The following C14orf39 variants were observed in gnomAD, a reference collection of about 807,000 sequenced individuals.
C14orf39 encodes chromosome 14 open reading frame 39.
A neutral mutation model predicts 85.6 loss-of-function variants in C14orf39; 66 were observed. The ratio of observed to expected loss-of-function variants is 0.77; its 90% CI spans 0.63 to 0.95. The LOEUF (loss-of-function observed/expected upper bound fraction) is 0.95, where lower values mean the gene tolerates loss of function less well. C14orf39 is among the 40% of genes least tolerant of loss of function. The probability of loss-of-function intolerance (pLI) is 0.00; values close to 1 mark genes in which losing one functional copy is unlikely to be tolerated. For synonymous variants in C14orf39, 242 were observed against 214.0 expected (o/e 1.13, Z -1.14); for missense variants, 735 against 663.9 (o/e 1.11, Z -1.18).
rs193231014 is a variant in C14orf39 at position 60,452,079 on chromosome 14, C to T, written c.1503+2922G>A. 5.3e-3 allele frequency among the ~76,000 whole-genome samples: 784 copies of T among 147,214 alleles called. 4 individuals are homozygous for T. The highest frequency in any genetic ancestry group is 0.019 in the African/African-American group (751 of 39,920). On this transcript the variant is annotated intron_variant, in intron 16 of 17. Coordinates refer to ENST00000321731, the MANE Select transcript of C14orf39 (RefSeq NM_174978.3). ...GCACACGCCTATAGTCCCAGCTACT[C>T]GGGAGGATGAGGCAGGGGAATCACT... is the stretch of plus-strand genomic sequence containing the variant.
At position 60,511,288 on chromosome 14, in the gene C14orf39, T is replaced by C. The variant is rs760040148; in HGVS notation, c.-144+4107A>G. 8.1e-6 allele frequency: 13 copies of C among 1,608,358 alleles called. 1 individual carries two copies. The highest frequency in any genetic ancestry group is 1.1e-5 in the Non-Finnish European group (13 of 1,175,620). On this transcript the variant is annotated intron_variant, in intron 1 of 5. Transcript: ENST00000556799. Reference sequence around the variant, plus strand: ...CAGGATGCTCAGAAGCAGATTCCAGTGTAAAAACGAGAAAAACAAAATGAA... The same window carrying C: ...CAGGATGCTCAGAAGCAGATTCCAGCGTAAAAACGAGAAAAACAAAATGAA...
intron 5 of C14orf39, among the ~76,000 whole-genome samples, chr14:60,474,070 T>C (rs1251911924): frequency 6.6e-6 from 1 of 152,186 alleles, no homozygotes; most frequent in Non-Finnish European, 1.5e-5. Context: ...TGTGTCCTCT[T>C]TTATTTCATT....
chr14:60,437,155 A>T, intron 17 of C14orf39, 108 bp from the exon 18 acceptor site: 1 of 714,582 alleles, frequency 1.4e-6, no homozygotes, highest in Non-Finnish European at 2.3e-6. Context: ...ACACTGAATC[A>T]GTGTTACACA....
intron 10 of C14orf39, 58 bp from the exon 11 acceptor site, chr14:60,466,113 C>T (rs1891779977): frequency 1.3e-6 from 1 of 753,302 alleles, no homozygotes; most frequent in Non-Finnish European, 2.0e-6. Context: ...CAAGTATCTT[C>T]CCCAATGTTT....
rs1011520196 is a variant in C14orf39, at chr14:60,484,827, T to C, written c.106+54A>G. On this transcript the variant is annotated intron_variant, in intron 3 of 17. Transcript: ENST00000321731. The surrounding 1 kb of genome is among the most constrained non-coding windows in gnomAD (Gnocchi z 4.2). ...CCCTAAACAGAGCAATTGTATGTTA[T>C]ATGCCATAAGGAATTAAAAGACTAA... 30 of 1,274,516 alleles carry C rather than the reference T, an allele frequency of 2.4e-5. No homozygotes were observed. The highest frequency in any genetic ancestry group is 1.9e-4 in the South Asian group (15 of 77,598). The allele number at this position is 1,274,516 out of a possible 1,614,324, so 79.0% of individuals were successfully genotyped here.
In C14orf39 at chr14:60,478,363, C is replaced by T. The variant is rs549495863; in HGVS notation, c.260G>A (p.Arg87His). The part of the protein sequence containing the change: ...RNWKPTCDVF[R>H]KHEDYMQDQF... ...GTCCTGCATATAATCTTCATGTTTACGAAAAACATCACATGTTGGCTTCCA... is the reference window on the plus strand; with the variant it reads ...GTCCTGCATATAATCTTCATGTTTATGAAAAACATCACATGTTGGCTTCCA... Residue 87 changes from arginine to histidine, a missense_variant, in exon 5 of 18, where the codon CGT becomes CAT. Physicochemically the swap from Arg to His is conservative, Grantham distance 29. Coordinates refer to ENST00000321731, the MANE Select transcript of C14orf39 (RefSeq NM_174978.3). 43 of 1,574,672 alleles carry T rather than the reference C, an allele frequency of 2.7e-5. No individual in the cohort carries two copies. Among genetic ancestry groups the T allele is most frequent in the South Asian group, 6.1e-5 (5 of 82,482 alleles).
Position 60,481,056 on chromosome 14 carries a change from A to C in C14orf39, c.233+2635T>G, listed in dbSNP as rs1426218122. On this transcript the variant is annotated intron_variant, in intron 4 of 17. Coordinates refer to ENST00000321731, the MANE Select transcript of C14orf39 (RefSeq NM_174978.3). The stretch of plus-strand genomic sequence containing the variant: ...TAGTGATCTACTGCACCGTATAGTG[A>C]CTACAGTTAAATAATATATATTTCG... Among the ~76,000 whole-genome samples the C allele has an allele frequency of 3.9e-5, 6 of 152,184 alleles. No homozygotes were observed. In the East Asian group the frequency reaches 1.2e-3, roughly 29 times the overall value.
At chr14:60,442,382 A>G (rs1176621016) in intron 16 of C14orf39, among the ~76,000 whole-genome samples, 2 of 152,188 alleles carry the variant, frequency 1.3e-5, no homozygotes, top group African/African-American at 4.8e-5. Flanking sequence ...TTACTTTAGA[A>G]TCTTAATATG....
chr14:60,485,549 A>G (rs1566683810), intron 1 of C14orf39, among the ~76,000 whole-genome samples: 2 of 152,350 alleles, frequency 1.3e-5, no homozygotes, highest in South Asian at 2.1e-4. Flanking sequence ...GCGATTTCGC[A>G]TTTACGAATT....
chr14:60,468,611 G>T, intron 8 of C14orf39, 75 bp from the exon 9 acceptor site: 4 of 765,578 alleles, frequency 5.2e-6, no homozygotes, highest in Non-Finnish European at 8.1e-6. Context: ...TTTATCTTAT[G>T]TTTTTTCTAT....
At chr14:60,489,614 G>A (rs565356895), upstream of C14orf39, among the ~76,000 whole-genome samples, 2 of 152,146 alleles carry the variant, frequency 1.3e-5, no homozygotes, top group African/African-American at 2.4e-5. Flanking sequence ...CTTACCTAAA[G>A]CCAATTCCTC....
At chr14:60,486,957 T>C (rs1258026942), upstream of C14orf39, among the ~76,000 whole-genome samples, 2 of 152,070 alleles carry the variant, frequency 1.3e-5, no homozygotes. Context: ...GAAAAATCTT[T>C]TACTTAGTTT....
intron 5 of C14orf39, among the ~76,000 whole-genome samples, chr14:60,472,858 T>A: frequency 6.6e-6 from 1 of 152,202 alleles, no homozygotes; most frequent in Non-Finnish European, 1.5e-5. Flanking sequence ...AGTGCCGCAA[T>A]AAACATACGT....
intron 17 of C14orf39, among the ~76,000 whole-genome samples, chr14:60,438,987 T>C (rs1890386238): frequency 6.6e-6 from 1 of 152,152 alleles, no homozygotes; most frequent in Non-Finnish European, 1.5e-5. Flanking sequence ...AATTTAAGAA[T>C]AAGTTCTAGA....
intron 16 of C14orf39, among the ~76,000 whole-genome samples, chr14:60,451,951 G>A (rs893529172): frequency 1.3e-5 from 2 of 151,922 alleles, no homozygotes; most frequent in Non-Finnish European, 2.9e-5. Flanking sequence ...GGGAGGCTGA[G>A]GCAGGCAGAT....
At chr14:60,494,085 T>A in intron 2 of C14orf39, 1 of 297,534 alleles carries the variant, frequency 3.4e-6, no homozygotes, top group Admixed American at 3.3e-5. Context: ...AAGGCCACCA[T>A]TGAGCATGCT....
intron 1 of C14orf39, chr14:60,510,936 T>C: frequency 1.2e-6 from 1 of 804,200 alleles, no homozygotes. Flanking sequence ...CCGACCTCTG[T>C]CGCCTTGCCG....
chr14:60,473,407 A>C (rs1262488447), intron 5 of C14orf39, among the ~76,000 whole-genome samples: 1 of 152,070 alleles, frequency 6.6e-6, no homozygotes, highest in Non-Finnish European at 1.5e-5. Context: ...TCTTTACTTT[A>C]ATTAGATCCC....
chr14:60,512,263 T>C (rs369180813), intron 1 of C14orf39: 2 of 152,254 alleles, frequency 1.3e-5, no homozygotes, highest in East Asian at 3.9e-4. Context: ...TTTCTAAAAA[T>C]GCAAAACTAT....
Sources: allele counts gnomAD v4.1 joint callset (sites outside exome capture counted in the v4.1 genomes callset), GRCh38; gene constraint gnomAD v4.1.1; non-coding constraint Gnocchi (gnomAD v3.1); transcripts MANE v1.5; gene names NCBI Gene and HGNC (gene_info 2026-07-23, HGNC 2026-07-21).